The following EXPH5 variants were observed in gnomAD, a reference collection of about 807,000 sequenced individuals.
EXPH5 encodes exophilin 5, also known as exophilin-5.
Under a neutral mutation model 41.1 loss-of-function variants are expected in EXPH5, and 42 were observed. That is an observed-to-expected ratio of 1.02 (90% CI 0.80 to 1.32). EXPH5 has a LOEUF of 1.32. EXPH5 is among the 40% of genes most tolerant of loss of function. The pLI is 0.00. For synonymous variants in EXPH5, 798 were observed against 833.5 expected, an observed-to-expected ratio of 0.96 and a Z score of 0.73; for missense variants, 2,298 against 2,314.5, an observed-to-expected ratio of 0.99 and a Z score of 0.15.
intron 1 of EXPH5, among the ~76,000 whole-genome samples, chr11:108,567,707 A>G (rs1214493586): frequency 6.6e-6 from 1 of 152,220 alleles, no homozygotes; most frequent in Non-Finnish European, 1.5e-5. Flanking sequence ...TTGATCCCCT[A>G]AATGTTAAAT....
At chr11:108,552,019 C>T (rs549698949) in intron 1 of EXPH5, 1 of 152,250 alleles carries the variant, frequency 6.6e-6, no homozygotes, top group East Asian at 1.9e-4. Context: ...AAGAGACTCA[C>T]CATCTGGGGA....
Position 108,510,512 on chromosome 11 carries a change from A to C in EXPH5, c.4995T>G (p.His1665Gln), listed in dbSNP as rs2093671665. 1.2e-6 allele frequency: 2 copies of C among 1,614,076 alleles called. No homozygotes were observed. Among genetic ancestry groups the C allele is most frequent in the Non-Finnish European group, 1.7e-6 (2 of 1,180,042 alleles). The change falls in exon 6 of 6, where the codon CAT becomes CAG. Residue 1665 changes from histidine (H) to glutamine (Q), a missense_variant. Coordinates refer to ENST00000265843, the MANE Select transcript of EXPH5 (RefSeq NM_015065.3). ...GGAGAAGGTTCTCGGATTTCTTCACATGCTTTCCGTTCTCACTCAACCTGC... is the reference window on the plus strand; with the variant it reads ...GGAGAAGGTTCTCGGATTTCTTCACCTGCTTTCCGTTCTCACTCAACCTGC... The part of the protein sequence containing the change: ...GESRLSENGK[H>Q]VKKSENLLPI...
At chr11:108,569,385 G>A (rs937694557) in intron 1 of EXPH5, among the ~76,000 whole-genome samples, 1 of 152,106 alleles carries the variant, frequency 6.6e-6, no homozygotes, top group East Asian at 1.9e-4. Flanking sequence ...TGTCACGCAA[G>A]CTGGAGTGCA....
At chr11:108,523,729 AG>A (rs1347565836) in intron 4 of EXPH5, among the ~76,000 whole-genome samples, 1 of 152,146 alleles carries the variant, frequency 6.6e-6, no homozygotes, top group Non-Finnish European at 1.5e-5. Flanking sequence ...AAAACTTAGC[AG>A]GCTTGATGGA....
At chr11:108,578,007 AT>A (rs1463667734) in intron 1 of EXPH5, among the ~76,000 whole-genome samples, 1 of 151,892 alleles carries the variant, frequency 6.6e-6, no homozygotes, top group African/African-American at 2.4e-5. Flanking sequence ...CATGATGTTG[AT>A]TGTTTCTTTG....
At chr11:108,549,177 G>A (rs1261050072) in intron 1 of EXPH5, among the ~76,000 whole-genome samples, 3 of 152,194 alleles carry the variant, frequency 2.0e-5, no homozygotes, top group Admixed American at 1.3e-4. Context: ...CATATCACAA[G>A]GGACTGTTGT....
At chr11:108,597,024 T>C (rs920223589), upstream of EXPH5, among the ~76,000 whole-genome samples, 1 of 152,188 alleles carries the variant, frequency 6.6e-6, no homozygotes, top group Admixed American at 6.5e-5. Flanking sequence ...TAGTATTTAA[T>C]AGTCACAGCT....
intron 1 of EXPH5, among the ~76,000 whole-genome samples, chr11:108,559,975 C>T (rs1405979187): frequency 6.6e-6 from 1 of 152,162 alleles, no homozygotes; most frequent in Non-Finnish European, 1.5e-5. Context: ...TTTGCTTTAA[C>T]TTTAAGGAAT....
At chr11:108,545,195 C>A (rs2093932144) in intron 1 of EXPH5, among the ~76,000 whole-genome samples, 1 of 152,176 alleles carries the variant, frequency 6.6e-6, no homozygotes, top group Non-Finnish European at 1.5e-5. Context: ...AGGATGATTG[C>A]TTGAGTCCAG....
chr11:108,562,703 C>T (rs1240859007), intron 1 of EXPH5, among the ~76,000 whole-genome samples: 1 of 152,150 alleles, frequency 6.6e-6, no homozygotes, highest in Admixed American at 6.6e-5. Flanking sequence ...TGGCTCACAC[C>T]TGTAATCCCA....
At chr11:108,560,284 G>C (rs1326740077) in intron 1 of EXPH5, among the ~76,000 whole-genome samples, 1 of 152,208 alleles carries the variant, frequency 6.6e-6, no homozygotes, top group African/African-American at 2.4e-5. Context: ...ATCAGTTAAA[G>C]CTCATTGGTT....
intron 5 of EXPH5, among the ~76,000 whole-genome samples, chr11:108,517,556 TA>T (rs1322848028): frequency 2.6e-5 from 4 of 152,240 alleles, no homozygotes; most frequent in Non-Finnish European, 5.9e-5. Context: ...TTTGTAAAAG[TA>T]AACTATGATC....
At chr11:108,562,038 C>G (rs971535705) in intron 1 of EXPH5, among the ~76,000 whole-genome samples, 1 of 152,152 alleles carries the variant, frequency 6.6e-6, no homozygotes, top group Non-Finnish European at 1.5e-5. Context: ...GAGGCCGTTT[C>G]CTGTGTTTCC....
chr11:108,536,940 C>T (rs1307100188), intron 3 of EXPH5, among the ~76,000 whole-genome samples: 1 of 152,198 alleles, frequency 6.6e-6, no homozygotes, highest in Non-Finnish European at 1.5e-5. Flanking sequence ...TTGACGGCTT[C>T]AGCAAGTAGA....
In EXPH5 at chr11:108,514,910, T is replaced by C. The variant is rs201062664; in HGVS notation, c.632-35A>G. 7.4e-6 allele frequency: 10 copies of C among 1,344,310 alleles called. No homozygotes were observed. In the East Asian group the frequency reaches 2.6e-4, roughly 35 times the overall value. 83.3% of individuals were successfully genotyped at this position (1,344,310 alleles called of 1,614,324 possible). On this transcript the variant is annotated intron_variant, in intron 5 of 5. Transcript: ENST00000265843. The stretch of plus-strand genomic sequence containing the variant: ...GAATGTGAATCAACCTTTTTCTGTA[T>C]GTTTTTACAGTTTAATAATAATTTG...
rs1474067499 is a variant in EXPH5, at chr11:108,507,427, T to C, written c.*2110A>G. ...CAGACTAGGTATAAAAAATGGAAAATTAGATTAGGTCGCGAAGCAAATATA... is the reference window on the plus strand; with the variant it reads ...CAGACTAGGTATAAAAAATGGAAAACTAGATTAGGTCGCGAAGCAAATATA... On this transcript the variant is annotated 3_prime_UTR_variant, in exon 6 of 6. Coordinates refer to ENST00000265843, the MANE Select transcript of EXPH5 (RefSeq NM_015065.3). The C allele has an allele frequency of 6.6e-6, 1 of 152,110 alleles. No homozygotes were observed. Among genetic ancestry groups the C allele is most frequent in the Non-Finnish European group, 1.5e-5 (1 of 67,994 alleles). The allele number at this position is 152,110 out of a possible 1,614,324, so 9.4% of individuals were successfully genotyped here.
At chr11:108,553,896 C>G (rs1312806456) in intron 1 of EXPH5, among the ~76,000 whole-genome samples, 1 of 152,200 alleles carries the variant, frequency 6.6e-6, no homozygotes, top group East Asian at 1.9e-4. Context: ...CTAACAGTTA[C>G]AGAGTGCTTG....
In EXPH5 at chr11:108,512,701, TA is replaced by T. The variant is rs1343726606; in HGVS notation, c.2805del (p.Phe935LeufsTer3). ...DNAGKNQKNQFIVSHSENQER... is the reference protein window; with the variant it reads ...DNAGKNQKNQXIVSHSENQER... ...TCTTGGTTTTCTGAGTGGCTTACAA[TA>T]AACTGATTCTTTTGGTTCTTCCCAG... is the stretch of plus-strand genomic sequence containing the variant. On this transcript the variant is annotated frameshift_variant, in exon 6 of 6. Transcript: ENST00000265843. LOFTEE classifies it low-confidence loss of function (END_TRUNC). The T allele has an allele frequency of 6.2e-7, 1 of 1,614,030 alleles. No homozygotes were observed. The highest frequency in any genetic ancestry group is 8.5e-7 in the Non-Finnish European group (1 of 1,180,028).
intron 1 of EXPH5, among the ~76,000 whole-genome samples, chr11:108,591,930 A>G (rs2094128449): frequency 6.6e-6 from 1 of 152,248 alleles, no homozygotes; most frequent in Admixed American, 6.5e-5. Context: ...TGGATCACTT[A>G]AGAAGCCCCA....
Sources: allele counts gnomAD v4.1 joint callset (sites outside exome capture counted in the v4.1 genomes callset), GRCh38; gene constraint gnomAD v4.1.1; transcripts MANE v1.5; gene names NCBI Gene and HGNC (gene_info 2026-07-23, HGNC 2026-07-21).